TMEM45A: variants seen among roughly 807,000 people sequenced by gnomAD.
TMEM45A encodes the protein transmembrane protein 45A.
In TMEM45A, 25 loss-of-function variants were observed where a neutral mutation model predicts 32.0. The observed-to-expected ratio is 0.78, with a 90% CI of 0.57 to 1.09. TMEM45A has a LOEUF of 1.09. TMEM45A is among the 50% of genes least tolerant of loss of function. TMEM45A has a pLI of 0.00. For missense variants in TMEM45A, 302 were observed against 325.0 expected (o/e 0.93, Z 0.54); for synonymous variants, 122 against 114.8 (o/e 1.06, Z -0.40).
At chr3:100,501,200 C>T (rs1708003569) in intron 1 of TMEM45A, among the ~76,000 whole-genome samples, 1 of 152,216 alleles carries the variant, frequency 6.6e-6, no homozygotes, top group African/African-American at 2.4e-5. Flanking sequence ...ATTCCCGTTG[C>T]CTCCGAAAGA....
intron 5 of TMEM45A, chr3:100,571,305 T>A (rs371779898): frequency 2.6e-4 from 39 of 152,292 alleles, no homozygotes; most frequent in African/African-American, 8.4e-4. Context: ...GCTGTAGATA[T>A]GCCTAAATGT....
chr3:100,556,132 C>G (rs1706217127), intron 2 of TMEM45A, among the ~76,000 whole-genome samples: 1 of 152,168 alleles, frequency 6.6e-6, no homozygotes, highest in African/African-American at 2.4e-5. Context: ...AAGCACCTAC[C>G]ACCACACCCG....
rs139612912 is a variant in TMEM45A, at chr3:100,568,900, A to G, written c.667A>G (p.Ile223Val). 2.0e-4 allele frequency: 327 copies of G among 1,613,948 alleles called. No homozygotes were observed. Among genetic ancestry groups the G allele is most frequent in the Non-Finnish European group, 2.7e-4 (319 of 1,179,878 alleles). ...MDHENILFLT[I>V]CFCWHYAVTI... ...TCATGAAAATATTTTGTTTCTCACCATATGCTTTTGTTGGCATTATGCAGT... is the reference window on the plus strand; with the variant it reads ...TCATGAAAATATTTTGTTTCTCACCGTATGCTTTTGTTGGCATTATGCAGT... Residue 223 changes from isoleucine (I) to valine (V), a missense_variant, in exon 5 of 6, where the codon ATA becomes GTA. Coordinates refer to ENST00000323523, the MANE Select transcript of TMEM45A (RefSeq NM_018004.3).
At chr3:100,550,239 T>C (rs1000478895) in intron 1 of TMEM45A, among the ~76,000 whole-genome samples, 3 of 149,430 alleles carry the variant, frequency 2.0e-5, no homozygotes, top group Admixed American at 2.0e-4. Context: ...TAGAAGAGAA[T>C]TGAGTTGGAC....
At chr3:100,512,826 A>G (rs1446522044) in intron 1 of TMEM45A, among the ~76,000 whole-genome samples, 2 of 151,920 alleles carry the variant, frequency 1.3e-5, no homozygotes, top group Non-Finnish European at 1.5e-5. Context: ...ACAAACTACC[A>G]TCAGAGAATA....
intron 1 of TMEM45A, among the ~76,000 whole-genome samples, chr3:100,522,821 G>A (rs1705460575): frequency 6.6e-6 from 1 of 152,160 alleles, no homozygotes; most frequent in African/African-American, 2.4e-5. Flanking sequence ...CAATCTCAAG[G>A]TGCAACAAAG....
intron 4 of TMEM45A, among the ~76,000 whole-genome samples, chr3:100,567,329 T>A (rs978976601): frequency 1.1e-4 from 17 of 151,924 alleles, no homozygotes; most frequent in African/African-American, 4.1e-4. Context: ...CATATGAGTT[T>A]ATTTCTGGAC....
chr3:100,545,295 A>T (rs996184347), intron 1 of TMEM45A, among the ~76,000 whole-genome samples: 3 of 152,204 alleles, frequency 2.0e-5, no homozygotes, highest in African/African-American at 7.2e-5. Flanking sequence ...ATACACTTAG[A>T]ATTTATTTTT....
chr3:100,559,027 C>T (rs542083133), intron 4 of TMEM45A, among the ~76,000 whole-genome samples: 1 of 152,304 alleles, frequency 6.6e-6, no homozygotes, highest in East Asian at 1.9e-4. Flanking sequence ...GGAATTCAGG[C>T]ATTATCATCA....
In TMEM45A at chr3:100,568,859, C is replaced by A; in HGVS notation, c.626C>A (p.Ala209Glu). The change falls in exon 5 of 6, where the codon GCA becomes GAA. Residue 209 changes from alanine to glutamate, a missense_variant. By Grantham distance (107) the Ala-to-Glu change is moderately radical. Coordinates refer to ENST00000323523, the MANE Select transcript of TMEM45A (RefSeq NM_018004.3). ...FVLYPPSGGP[A>E]WDLMDHENIL... ...CTGTATCCCCCCAGTGGAGGTCCTG[C>A]ATGGGATCTGATGGATCATGAAAAT... is the stretch of plus-strand genomic sequence containing the variant. 1 of 1,613,520 alleles carries A rather than the reference C, an allele frequency of 6.2e-7. No individual in the cohort carries two copies. Among genetic ancestry groups the A allele is most frequent in the Non-Finnish European group, 8.5e-7 (1 of 1,179,572 alleles).
At chr3:100,514,473 A>G (rs1708226227) in intron 1 of TMEM45A, among the ~76,000 whole-genome samples, 1 of 152,082 alleles carries the variant, frequency 6.6e-6, no homozygotes, top group Non-Finnish European at 1.5e-5. Flanking sequence ...ACAAAAATTA[A>G]TTCAAGATGG....
At position 100,504,472 on chromosome 3, in the gene TMEM45A, G is replaced by A. The variant is rs193268385; in HGVS notation, c.-4+11544G>A. ...CTATGCACCACAGAGTGGCCAGAGTGGTTCTTGAAAAATACAACTAAAAGT... is the reference window on the plus strand; with the variant it reads ...CTATGCACCACAGAGTGGCCAGAGTAGTTCTTGAAAAATACAACTAAAAGT... On this transcript the variant is annotated intron_variant, in intron 1 of 5. Transcript: ENST00000323523. 2.6e-5 allele frequency among the ~76,000 whole-genome samples: 4 copies of A among 152,214 alleles called. No individual in the cohort carries two copies. In the East Asian group the frequency reaches 7.7e-4, roughly 29 times the overall value.
intron 1 of TMEM45A, among the ~76,000 whole-genome samples, chr3:100,549,172 G>A (rs1483012200): frequency 1.3e-5 from 2 of 151,850 alleles, no homozygotes; most frequent in Admixed American, 6.6e-5. Context: ...ACTTCAACCC[G>A]GGAGGTGGAG....
intron 1 of TMEM45A, among the ~76,000 whole-genome samples, chr3:100,524,280 T>C (rs1394394032): frequency 6.6e-6 from 1 of 152,246 alleles, no homozygotes; most frequent in African/African-American, 2.4e-5. Flanking sequence ...CAAACCAGTG[T>C]CCTCATTTAT....
chr3:100,549,799 A>T (rs1706055430), intron 1 of TMEM45A, among the ~76,000 whole-genome samples: 1 of 151,610 alleles, frequency 6.6e-6, no homozygotes, highest in African/African-American at 2.4e-5. Context: ...ATTCCCACCT[A>T]TGAGTGAGAA....
chr3:100,528,462 G>A (rs1289667792), intron 1 of TMEM45A, among the ~76,000 whole-genome samples: 1 of 152,162 alleles, frequency 6.6e-6, no homozygotes, highest in East Asian at 1.9e-4. Context: ...AATCGAAGGT[G>A]GGGATTTCTT....
At chr3:100,569,749 T>TAAA (rs1469626244) in intron 5 of TMEM45A, among the ~76,000 whole-genome samples, 2 of 151,924 alleles carry the variant, frequency 1.3e-5, no homozygotes, top group African/African-American at 4.8e-5. Context: ...CTCTTTGGCA[T>TAAA]AAAAAAAATG....
chr3:100,501,831 G>A (rs922167586), intron 1 of TMEM45A, among the ~76,000 whole-genome samples: 5 of 152,168 alleles, frequency 3.3e-5, no homozygotes, highest in Non-Finnish European at 7.3e-5. Flanking sequence ...TCTGACATGA[G>A]TCAACAACTA....
At chr3:100,514,375 A>G (rs1708223519) in intron 1 of TMEM45A, among the ~76,000 whole-genome samples, 2 of 152,208 alleles carry the variant, frequency 1.3e-5, no homozygotes, top group South Asian at 4.1e-4. Flanking sequence ...AGCAATGGGG[A>G]AAGGATTCCC....
Sources: gnomAD v4.1 joint callset for allele counts (sites outside exome capture counted in the v4.1 genomes callset) on GRCh38, gnomAD v4.1.1 for gene constraint, MANE v1.5 for transcripts, NCBI Gene and HGNC (gene_info 2026-07-23, HGNC 2026-07-21) for gene names.